SLC10A7: variants seen among roughly 807,000 people sequenced by gnomAD.
SLC10A7 encodes solute carrier family 10 member 7.
SLC10A7 carries 29 observed loss-of-function variants against 43.2 expected under a neutral mutation model. The ratio of observed to expected loss-of-function variants is 0.67; its 90% CI spans 0.50 to 0.92. The LOEUF (loss-of-function observed/expected upper bound fraction) is 0.92. Among genes scored for constraint, SLC10A7 ranks in the 40% least tolerant of loss-of-function variants. SLC10A7 has a pLI of 0.00. For missense variants in SLC10A7, 295 were observed against 403.2 expected, an observed-to-expected ratio of 0.73 and a Z score of 2.30; for synonymous variants, 152 against 144.8, an observed-to-expected ratio of 1.05 and a Z score of -0.35.
intron 5 of SLC10A7, among the ~76,000 whole-genome samples, chr4:146,337,144 A>G (rs974221229): frequency 2.0e-5 from 3 of 152,238 alleles, no homozygotes; most frequent in Admixed American, 6.5e-5. Flanking sequence ...TAGATTTAAC[A>G]GGCAATAAAT....
Position 146,517,093 on chromosome 4 carries a change from G to A in SLC10A7, c.128C>T (p.Ser43Phe). The change falls in exon 2 of 12, where the codon TCC becomes TTC. Residue 43 changes from serine to phenylalanine, a missense_variant. By Grantham distance (155) the Ser-to-Phe change is radical. This residue lies in a region of SLC10A7 where 242 missense variants were observed against 362.5 expected (regional missense o/e 0.67). Coordinates refer to ENST00000335472, the MANE Select transcript of SLC10A7 (RefSeq NM_001029998.6). ...GGPLKPEITV[S>F]YIAVATIFFN... Reference sequence around the variant, plus strand: ...GAATATTGTTGCAACAGCAATGTAGGATACAGTTATTTCTGGCTTCAGTGG... The same window carrying A: ...GAATATTGTTGCAACAGCAATGTAGAATACAGTTATTTCTGGCTTCAGTGG... 1 of 1,609,530 alleles carries A rather than the reference G, an allele frequency of 6.2e-7. No homozygotes were observed. Among genetic ancestry groups the A allele is most frequent in the Non-Finnish European group, 8.5e-7 (1 of 1,176,988 alleles).
At chr4:146,457,687 A>C (rs745966941) in intron 4 of SLC10A7, among the ~76,000 whole-genome samples, 5 of 151,958 alleles carry the variant, frequency 3.3e-5, no homozygotes, top group African/African-American at 4.8e-5. Context: ...CAGATATTTA[A>C]AAGATGAGAA....
At chr4:146,469,403 G>A (rs76707847) in intron 4 of SLC10A7, among the ~76,000 whole-genome samples, 2,766 of 152,264 alleles carry the variant, frequency 0.018, 29 homozygotes, top group Non-Finnish European at 0.026. Flanking sequence ...TAGCACCAGG[G>A]AAAAGTAAGA....
In SLC10A7 at chr4:146,407,985, T is replaced by C. The variant is rs182121270; in HGVS notation, c.435+34798A>G. On this transcript the variant is annotated intron_variant, in intron 5 of 11. Coordinates refer to ENST00000335472, the MANE Select transcript of SLC10A7 (RefSeq NM_001029998.6). ...AAAAACGTCAGTCAGGAAGCACGTT[T>C]CTAAGCCAAATTCTGTTCCCTTGGA... Among the ~76,000 whole-genome samples, 13 of 152,306 alleles carry C rather than the reference T, an allele frequency of 8.5e-5. No homozygotes were observed. In the East Asian group the frequency reaches 2.5e-3, roughly 29 times the overall value.
chr4:146,497,587 G>A (rs559773029), intron 4 of SLC10A7, among the ~76,000 whole-genome samples: 8 of 152,134 alleles, frequency 5.3e-5, no homozygotes, highest in South Asian at 2.1e-4. Flanking sequence ...ATGGCTTTTC[G>A]CTGAATTCTT....
chr4:146,374,586 CA>C (rs950630065), intron 5 of SLC10A7, among the ~76,000 whole-genome samples: 1 of 146,188 alleles, frequency 6.8e-6, no homozygotes, highest in Non-Finnish European at 1.5e-5. Context: ...GAGACTGTCT[CA>C]AAAAAAATAT....
chr4:146,442,796 A>G lies in SLC10A7; in HGVS notation c.422T>C (p.Phe141Ser), dbSNP rs959978527. ...ATGTTTACTTACCAAAAAACTTCCAAAGGCTGAATTAAATATTGCAGCTGC... is the reference window on the plus strand; with the variant it reads ...ATGTTTACTTACCAAAAAACTTCCAGAGGCTGAATTAAATATTGCAGCTGC... ...NEAAAIFNSAFGSFLGIVITP... is the reference protein window; with the variant it reads ...NEAAAIFNSASGSFLGIVITP... The change falls in exon 5 of 12, where the codon TTT becomes TCT. Residue 141 changes from phenylalanine (F) to serine (S), a missense_variant. Around this residue, in one of 2 missense-constraint regions of SLC10A7, gnomAD observed 242 missense variants for 362.5 expected, o/e 0.67. Coordinates refer to ENST00000335472, the MANE Select transcript of SLC10A7 (RefSeq NM_001029998.6). 5.0e-6 allele frequency: 8 copies of G among 1,601,744 alleles called. No homozygotes were observed. In the African/African-American group the frequency reaches 1.1e-4, roughly 22 times the overall value.
At chr4:146,442,529 C>T in intron 5 of SLC10A7, 2 of 1,314,640 alleles carry the variant, frequency 1.5e-6, no homozygotes, top group Non-Finnish European at 1.9e-6. Context: ...TAAGGAGACA[C>T]ATAGTGTTTT....
chr4:146,358,073 C>CAAAA (rs57927989), intron 5 of SLC10A7, among the ~76,000 whole-genome samples: 19 of 134,072 alleles, frequency 1.4e-4, no homozygotes, highest in African/African-American at 4.9e-4. Flanking sequence ...AGCACCCCCA[C>CAAAA]AAAAAAAAAA....
At chr4:146,288,858 T>G (rs1195996599) in intron 9 of SLC10A7, among the ~76,000 whole-genome samples, 1 of 152,242 alleles carries the variant, frequency 6.6e-6, no homozygotes, top group Non-Finnish European at 1.5e-5. Context: ...TCTTGAGATA[T>G]TTATTTCCTT....
chr4:146,299,300 T>C (rs1258618081), intron 7 of SLC10A7, among the ~76,000 whole-genome samples: 1 of 152,220 alleles, frequency 6.6e-6, no homozygotes, highest in African/African-American at 2.4e-5. Context: ...CCTCAAAGAT[T>C]ACATTACACA....
At chr4:146,344,212 T>A (rs985782769) in intron 5 of SLC10A7, among the ~76,000 whole-genome samples, 5 of 151,994 alleles carry the variant, frequency 3.3e-5, no homozygotes, top group African/African-American at 9.7e-5. Flanking sequence ...TATGCAGAAA[T>A]CACAGTTTAC....
intron 4 of SLC10A7, among the ~76,000 whole-genome samples, chr4:146,444,058 T>C (rs1315693123): frequency 6.6e-6 from 1 of 152,134 alleles, no homozygotes; most frequent in African/African-American, 2.4e-5. Context: ...AAATAAAACA[T>C]TACAGATGAC....
chr4:146,333,614 T>G (rs1170145968), intron 5 of SLC10A7, among the ~76,000 whole-genome samples: 1 of 151,912 alleles, frequency 6.6e-6, no homozygotes, highest in Non-Finnish European at 1.5e-5. Context: ...GAAGAACATA[T>G]AGAAACTGAA....
intron 5 of SLC10A7, among the ~76,000 whole-genome samples, chr4:146,379,385 C>T (rs1737440625): frequency 6.6e-6 from 1 of 152,144 alleles, no homozygotes; most frequent in Non-Finnish European, 1.5e-5. Flanking sequence ...TTATCAGACG[C>T]TTCAGTAACA....
rs951891732 is a variant in SLC10A7 at position 146,504,605 on chromosome 4, T to C, written c.321-681A>G. 1.3e-5 allele frequency among the ~76,000 whole-genome samples: 2 copies of C among 151,958 alleles called. 1 individual carries two copies. The highest frequency in any genetic ancestry group is 2.9e-5 in the Non-Finnish European group (2 of 67,994). ...AGTCTTAGGTTATTTTTAGGTAAAG[T>C]GAAAAATATTTTCCCTACATTTTGT... On this transcript the variant is annotated intron_variant, in intron 3 of 11. Transcript: ENST00000335472.
At position 146,462,605 on chromosome 4, in the gene SLC10A7, C is replaced by G. The variant is rs1456749914; in HGVS notation, c.397-19784G>C. Reference sequence around the variant, plus strand: ...ACACAGCATGGAAATTGTATAGACACACTAAAAAGTAAAACACTAGTCAGT... The same window carrying G: ...ACACAGCATGGAAATTGTATAGACAGACTAAAAAGTAAAACACTAGTCAGT... On this transcript the variant is annotated intron_variant, in intron 4 of 11. Coordinates refer to ENST00000335472, the MANE Select transcript of SLC10A7 (RefSeq NM_001029998.6). Among the ~76,000 whole-genome samples, 27 of 152,124 alleles carry G rather than the reference C, an allele frequency of 1.8e-4. 1 individual carries two copies. The highest frequency in any genetic ancestry group is 2.8e-4 in the Non-Finnish European group (19 of 68,006).
At chr4:146,331,372 T>A (rs1167570135) in intron 5 of SLC10A7, among the ~76,000 whole-genome samples, 2 of 152,206 alleles carry the variant, frequency 1.3e-5, no homozygotes, top group African/African-American at 2.4e-5. Context: ...TAAAAGTATA[T>A]GTTAACTTAC....
intron 5 of SLC10A7, among the ~76,000 whole-genome samples, chr4:146,412,089 T>C (rs1273412904): frequency 6.6e-6 from 1 of 152,156 alleles, no homozygotes; most frequent in Non-Finnish European, 1.5e-5. Context: ...AACACCTGCT[T>C]CAGTCAGCTG....
Sources: gnomAD v4.1 joint callset for allele counts (sites outside exome capture counted in the v4.1 genomes callset) on GRCh38, gnomAD v4.1.1 for gene constraint, gnomAD v4.1.1 regional missense constraint, MANE v1.5 for transcripts, NCBI Gene and HGNC (gene_info 2026-07-23, HGNC 2026-07-21) for gene names.